The following EEIG2 variants were observed in gnomAD, a reference collection of about 807,000 sequenced individuals.
EEIG2 encodes family with sequence similarity 102 member B.
chr1:108,597,288 G>T, the EEIG2 span, among the ~76,000 whole-genome samples: 2 of 152,162 alleles, frequency 1.3e-5, no homozygotes, highest in Non-Finnish European at 2.9e-5. Flanking sequence ...TGAAGAACAG[G>T]TGCCTGGTTC....
the EEIG2 span, among the ~76,000 whole-genome samples, chr1:108,630,470 ATGTTAAATGACGAGTTAATGGG>A: frequency 1.3e-5 from 2 of 152,202 alleles, no homozygotes; most frequent in African/African-American, 4.8e-5. Context: ...GATAAACCTA[ATGTTAAATGACGAGTTAATGGG>A]TGCAGCACAC....
the EEIG2 span, among the ~76,000 whole-genome samples, chr1:108,615,786 T>TAAA: frequency 3.7e-3 from 422 of 114,526 alleles, 1 homozygote; most frequent in African/African-American, 0.013. Context: ...TCTCAAGAAT[T>TAAA]AAAAAAAAAA....
At chr1:108,586,591 G>C in the EEIG2 span, among the ~76,000 whole-genome samples, 1 of 152,046 alleles carries the variant, frequency 6.6e-6, no homozygotes, top group Admixed American at 6.6e-5. Context: ...TACTAGGAAA[G>C]GATAAGAAGA....
chr1:108,588,866 T>A, the EEIG2 span, among the ~76,000 whole-genome samples: 4 of 152,082 alleles, frequency 2.6e-5, no homozygotes, highest in African/African-American at 7.2e-5. Flanking sequence ...TTAATGAAAT[T>A]TTTCATCAAG....
the EEIG2 span, among the ~76,000 whole-genome samples, chr1:108,622,573 C>G: frequency 6.6e-6 from 1 of 152,116 alleles, no homozygotes; most frequent in Non-Finnish European, 1.5e-5. Flanking sequence ...ATGACATTTA[C>G]AGAGAGAATA....
the EEIG2 span, among the ~76,000 whole-genome samples, chr1:108,564,674 G>C: frequency 6.6e-6 from 1 of 152,144 alleles, no homozygotes; most frequent in Non-Finnish European, 1.5e-5. Context: ...AGGCATAGTG[G>C]CTCATGCCTG....
the EEIG2 span, among the ~76,000 whole-genome samples, chr1:108,594,677 C>T: frequency 2.0e-4 from 31 of 152,180 alleles, no homozygotes; most frequent in East Asian, 5.4e-3. Flanking sequence ...CATCATTATC[C>T]TTAGTATCAT....
chr1:108,621,211 A>G, the EEIG2 span, among the ~76,000 whole-genome samples: 1 of 152,342 alleles, frequency 6.6e-6, no homozygotes, highest in East Asian at 1.9e-4. Flanking sequence ...GACCCACATT[A>G]AGTGATTTCA....
the EEIG2 span, among the ~76,000 whole-genome samples, chr1:108,563,193 A>T: frequency 6.6e-6 from 1 of 152,212 alleles, no homozygotes; most frequent in Non-Finnish European, 1.5e-5. Flanking sequence ...CGTAAATGAT[A>T]AGAGTGGCTC....
At chr1:108,560,195 C>T in the EEIG2 span, 1 of 150,408 alleles carries the variant, frequency 6.6e-6, no homozygotes, top group South Asian at 1.8e-4. Context: ...GCAGCACGAC[C>T]GCTCCCCGCG....
chr1:108,602,736 C>T, the EEIG2 span, among the ~76,000 whole-genome samples: 1 of 151,850 alleles, frequency 6.6e-6, no homozygotes. Context: ...AAAAATTAGC[C>T]AGGTATGGTG....
the EEIG2 span, among the ~76,000 whole-genome samples, chr1:108,583,745 G>T: frequency 6.6e-6 from 1 of 151,990 alleles, no homozygotes; most frequent in African/African-American, 2.4e-5. Flanking sequence ...GAATAGTTAG[G>T]ATCGCAAACC....
the EEIG2 span, among the ~76,000 whole-genome samples, chr1:108,617,319 G>C: frequency 1.3e-5 from 2 of 152,166 alleles, no homozygotes; most frequent in Non-Finnish European, 2.9e-5. Context: ...ATCTGTAGGA[G>C]TAACAGAGAG....
chr1:108,566,886 C>T, the EEIG2 span, among the ~76,000 whole-genome samples: 3 of 151,972 alleles, frequency 2.0e-5, no homozygotes, highest in Non-Finnish European at 4.4e-5. Flanking sequence ...TCATAGGGCA[C>T]AAAGTTTCAA....
chr1:108,617,457 G>A, the EEIG2 span, among the ~76,000 whole-genome samples: 1 of 152,208 alleles, frequency 6.6e-6, no homozygotes, highest in Non-Finnish European at 1.5e-5. Flanking sequence ...TTGGGAGCTT[G>A]GGTGTTAGAC....
chr1:108,593,978 A>G, the EEIG2 span, among the ~76,000 whole-genome samples: 1 of 151,632 alleles, frequency 6.6e-6, no homozygotes, highest in Non-Finnish European at 1.5e-5. Context: ...ACTAATTTTT[A>G]TATTTTTTTT....
chr1:108,629,575 A>G, the EEIG2 span: 1 of 1,583,416 alleles, frequency 6.3e-7, no homozygotes, highest in Non-Finnish European at 8.6e-7. Context: ...AACATTTTAA[A>G]TGTGTATTGC....
chr1:108,604,167 G>A, the EEIG2 span, among the ~76,000 whole-genome samples: 365 of 152,342 alleles, frequency 2.4e-3, no homozygotes, highest in African/African-American at 8.4e-3. Flanking sequence ...TGGCTGTGGC[G>A]TGGGAAACAG....
At chr1:108,637,640 CAAT>C in the EEIG2 span, 5 of 152,020 alleles carry the variant, frequency 3.3e-5, no homozygotes, top group Non-Finnish European at 7.4e-5. Context: ...CAGATGTATA[CAAT>C]ACTTTTTCTA....
Sources: allele counts gnomAD v4.1 joint callset (sites outside exome capture counted in the v4.1 genomes callset), GRCh38; gene constraint gnomAD v4.1.1; transcripts MANE v1.5; gene names NCBI Gene and HGNC (gene_info 2026-07-23, HGNC 2026-07-21).